The following BLK variants were observed in gnomAD, a reference collection of about 807,000 sequenced individuals.
BLK encodes BLK proto-oncogene, Src family tyrosine kinase.
A neutral mutation model predicts 61.8 loss-of-function variants in BLK; 64 were observed. The observed-to-expected ratio is 1.03, with a 90% CI of 0.85 to 1.27. The LOEUF is 1.27. Among genes scored for constraint, BLK ranks in the 50% most tolerant of loss-of-function variants. The probability of loss-of-function intolerance (pLI) is 0.00; values close to 1 mark genes in which losing one functional copy is unlikely to be tolerated. For missense variants in BLK, 853 were observed against 660.5 expected (o/e 1.29, Z -3.19); for synonymous variants, 351 against 272.0 (o/e 1.29, Z -2.86).
chr8:11,513,082 T>C (rs557260204), intron 1 of BLK, among the ~76,000 whole-genome samples: 14 of 152,318 alleles, frequency 9.2e-5, no homozygotes, highest in East Asian at 1.9e-4. Flanking sequence ...TTGTCCTTGA[T>C]AAAATATTTA....
chr8:11,522,401 T>C (rs1799489501), intron 1 of BLK, among the ~76,000 whole-genome samples: 1 of 152,168 alleles, frequency 6.6e-6, no homozygotes, highest in African/African-American at 2.4e-5. Context: ...AACTCTCAGG[T>C]ATTGCTGGTG....
rs752948515 is a variant in BLK, at chr8:11,564,075, G to C, written c.1485G>C (p.Thr495=). Residue 495 remains threonine, a synonymous_variant, in exon 13 of 13, where the codon ACG becomes ACC. Transcript: ENST00000259089. ...AGTCGGTGCTGGAGGACTTCTACACGGCCACCGAGCGGCAGTACGAGCTGC... is the reference window on the plus strand; with the variant it reads ...AGTCGGTGCTGGAGGACTTCTACACCGCCACCGAGCGGCAGTACGAGCTGC... ...FLQSVLEDFY[T]ATERQYELQP 11 of 1,593,880 alleles carry C rather than the reference G, an allele frequency of 6.9e-6. No individual in the cohort carries two copies. Among genetic ancestry groups the C allele is most frequent in the Admixed American group, 3.4e-5 (2 of 58,796 alleles).
At chr8:11,535,586 T>C (rs932643637) in intron 1 of BLK, among the ~76,000 whole-genome samples, 10 of 152,204 alleles carry the variant, frequency 6.6e-5, no homozygotes, top group Non-Finnish European at 1.5e-4. Context: ...CTAACAAGTG[T>C]GGAAGGACTG....
chr8:11,559,299 ACACT>A lies in BLK; in HGVS notation c.1029+1263_1029+1266del, dbSNP rs910137542. 1.0e-3 allele frequency among the ~76,000 whole-genome samples: 154 copies of A among 149,228 alleles called. 2 individuals carry two copies. The highest frequency in any genetic ancestry group is 6.6e-3 in the Admixed American group (98 of 14,816). The stretch of plus-strand genomic sequence containing the variant: ...TCTCTAAGCACACATGTACACACAC[ACACT>A]CTCACACACATAAAAACACAGACTC... On this transcript the variant is annotated intron_variant, in intron 10 of 12. Coordinates refer to ENST00000259089, the MANE Select transcript of BLK (RefSeq NM_001715.3).
chr8:11,536,656 C>T (rs1224681665), intron 1 of BLK, among the ~76,000 whole-genome samples: 1 of 152,186 alleles, frequency 6.6e-6, no homozygotes, highest in African/African-American at 2.4e-5. Flanking sequence ...GATCTCCCAC[C>T]TCAACCTCGC....
At chr8:11,502,548 A>C (rs1471996418) in intron 1 of BLK, among the ~76,000 whole-genome samples, 1 of 152,186 alleles carries the variant, frequency 6.6e-6, no homozygotes, top group Non-Finnish European at 1.5e-5. Flanking sequence ...TCGGCCTCCC[A>C]AACTGCTGGG....
Position 11,549,132 on chromosome 8 carries a change from C to A in BLK, c.368+10C>A. 1 of 1,590,790 alleles carries A rather than the reference C, an allele frequency of 6.3e-7. No homozygotes were observed. The highest frequency in any genetic ancestry group is 8.6e-7 in the Non-Finnish European group (1 of 1,167,452). On this transcript the variant is annotated intron_variant, in intron 5 of 12. Transcript: ENST00000259089. ...GCCTGGAAATGGAAAGGTAGGTGGG[C>A]ACGGGAACCCCCCTCGAGCCAAGAT... is the stretch of plus-strand genomic sequence containing the variant.
At chr8:11,555,245 G>T (rs968191701) in intron 7 of BLK, 87 bp from the exon 8 acceptor site, 12 of 1,579,268 alleles carry the variant, frequency 7.6e-6, no homozygotes, top group Non-Finnish European at 8.7e-6. Flanking sequence ...CTGGGGAGTG[G>T]AGGGCCAGCT....
chr8:11,526,428 A>T (rs115156729), intron 1 of BLK, among the ~76,000 whole-genome samples: 3,068 of 152,258 alleles, frequency 0.02, 96 homozygotes, highest in African/African-American at 0.07. Context: ...CTTATCATAT[A>T]TATATTCTGG....
intron 1 of BLK, among the ~76,000 whole-genome samples, chr8:11,501,346 ACT>A (rs199833480): frequency 7.4e-6 from 1 of 135,350 alleles, no homozygotes; most frequent in African/African-American, 2.6e-5. Flanking sequence ...GAAAGGCTAA[ACT>A]CTCTCTCTTT....
intron 1 of BLK, among the ~76,000 whole-genome samples, chr8:11,507,935 G>A (rs571013274): frequency 2.0e-5 from 3 of 152,268 alleles, no homozygotes; most frequent in South Asian, 4.1e-4. Flanking sequence ...GCTAATCGGG[G>A]GTAGAGTCAA....
chr8:11,545,507 C>G (rs1800593021), intron 2 of BLK, among the ~76,000 whole-genome samples: 1 of 152,120 alleles, frequency 6.6e-6, no homozygotes, highest in South Asian at 2.1e-4. Flanking sequence ...CGAGATTACG[C>G]CACTGCACTC....
At chr8:11,555,608 C>T in intron 8 of BLK, 124 bp downstream of exon 8, 7 of 1,442,672 alleles carry the variant, frequency 4.9e-6, no homozygotes, top group Non-Finnish European at 6.6e-6. Context: ...GGAGCGAGGA[C>T]AGAGGCGAGG....
intron 1 of BLK, among the ~76,000 whole-genome samples, chr8:11,529,939 G>T (rs1475981424): frequency 6.6e-6 from 1 of 152,122 alleles, no homozygotes; most frequent in African/African-American, 2.4e-5. Context: ...ACCAAATATG[G>T]GGTCATCAGC....
At chr8:11,506,149 G>A (rs57289063) in intron 1 of BLK, among the ~76,000 whole-genome samples, 2,504 of 152,288 alleles carry the variant, frequency 0.016, 39 homozygotes, top group Middle Eastern at 0.054. Context: ...CTGAGGTCAC[G>A]CAGAAGGTTA....
chr8:11,538,302 C>G (rs1201758362), intron 1 of BLK, among the ~76,000 whole-genome samples: 3 of 152,214 alleles, frequency 2.0e-5, no homozygotes, highest in Non-Finnish European at 1.5e-5. Context: ...TTCTGCACTT[C>G]CTGGCTTCAC....
intron 1 of BLK, among the ~76,000 whole-genome samples, chr8:11,524,944 T>C (rs921456499): frequency 3.3e-5 from 5 of 149,788 alleles, no homozygotes; most frequent in African/African-American, 1.2e-4. Flanking sequence ...CCATGGAAAA[T>C]TACATATCAC....
Position 11,554,789 on chromosome 8 carries a change from G to A in BLK, c.519G>A (p.Leu173=), listed in dbSNP as rs1384885566. Residue 173 remains leucine (L), a synonymous_variant, in exon 7 of 13, where the codon CTG becomes CTA. Coordinates refer to ENST00000259089, the MANE Select transcript of BLK (RefSeq NM_001715.3). Reference sequence around the variant, plus strand: ...AGGATGTCACCACCCAGGGGGAGCTGATCAAGCACTATAAGATCCGCTGCC... The same window carrying A: ...AGGATGTCACCACCCAGGGGGAGCTAATCAAGCACTATAAGATCCGCTGCC... The part of the protein sequence containing the change: ...SVKDVTTQGE[L]IKHYKIRCLD... The A allele has an allele frequency of 6.2e-6, 10 of 1,614,038 alleles. No individual in the cohort carries two copies. The highest frequency in any genetic ancestry group is 7.6e-6 in the Non-Finnish European group (9 of 1,180,018).
chr8:11,544,167 G>T (rs1800514749), intron 2 of BLK, among the ~76,000 whole-genome samples: 2 of 152,144 alleles, frequency 1.3e-5, no homozygotes, highest in Non-Finnish European at 2.9e-5. Flanking sequence ...GTTTCACCAT[G>T]TTGGCTAGAT....
Sources: allele counts gnomAD v4.1 joint callset (sites outside exome capture counted in the v4.1 genomes callset), GRCh38; gene constraint gnomAD v4.1.1; transcripts MANE v1.5; gene names NCBI Gene and HGNC (gene_info 2026-07-23, HGNC 2026-07-21).